The following RBFOX3 variants were observed in gnomAD, a reference collection of about 807,000 sequenced individuals.
The protein encoded by RBFOX3 is RNA binding fox-1 homolog 3.
RBFOX3 carries 17 observed loss-of-function variants against 48.7 expected under a neutral mutation model. The ratio of observed to expected loss-of-function variants is 0.35; its 90% CI spans 0.24 to 0.52. The LOEUF (loss-of-function observed/expected upper bound fraction) is 0.52, where lower values mean the gene tolerates loss of function less well. Ranked by LOEUF, RBFOX3 falls within the 20% of genes least tolerant of loss-of-function variation. The pLI is 0.94. For synonymous variants in RBFOX3, 212 were observed against 209.5 expected, an observed-to-expected ratio of 1.01 and a Z score of -0.10; for missense variants, 382 against 497.5, an observed-to-expected ratio of 0.77 and a Z score of 2.21.
At chr17:79,550,510 G>A (rs879035980) in intron 1 of RBFOX3, among the ~76,000 whole-genome samples, 122,466 of 152,076 alleles carry the variant, frequency 0.81, 52,110 homozygotes, top group Non-Finnish European at 0.94. Flanking sequence ...ACCATTCTAT[G>A]GTTTATTTAA....
Position 79,533,603 on chromosome 17 carries a change from G to A in RBFOX3, c.-319-51005C>T, listed in dbSNP as rs573830523. On this transcript the variant is annotated intron_variant, in intron 1 of 14. Transcript: ENST00000693108. Reference sequence around the variant, plus strand: ...CCAGCCCAGGGTGCCCCGAGCATGAGGCATAGATACCCCGCGATGGGGAAG... The same window carrying A: ...CCAGCCCAGGGTGCCCCGAGCATGAAGCATAGATACCCCGCGATGGGGAAG... Among the ~76,000 whole-genome samples the A allele has an allele frequency of 1.5e-4, 23 of 152,334 alleles. No individual in the cohort carries two copies. The East Asian group carries it at 4.2e-3, about 28-fold the overall frequency.
At position 79,103,464 on chromosome 17, in the gene RBFOX3, C is replaced by G. The variant is rs1490772023; in HGVS notation, c.415-210G>C. Among the ~76,000 whole-genome samples the G allele has an allele frequency of 6.6e-6, 1 of 152,076 alleles. No individual in the cohort carries two copies. The highest frequency in any genetic ancestry group is 1.5e-5 in the Non-Finnish European group (1 of 67,974). On this transcript the variant is annotated intron_variant, in intron 7 of 14. Coordinates refer to ENST00000693108, the MANE Select transcript of RBFOX3 (RefSeq NM_001350451.2). The surrounding 1 kb of genome is among the most constrained non-coding windows in gnomAD (Gnocchi z 6.1). ...GCAGGATGCCAGGAGGGGTATGGGC[C>G]CCAGGGGGGCAGCTGCTGACCCAGC... is the stretch of plus-strand genomic sequence containing the variant.
At chr17:79,395,085 G>C (rs909358752) in intron 2 of RBFOX3, among the ~76,000 whole-genome samples, 9 of 152,242 alleles carry the variant, frequency 5.9e-5, no homozygotes, top group African/African-American at 2.2e-4. Context: ...ATCCAGGCCC[G>C]CAAAGCAGTG....
At chr17:79,272,962 C>A (rs1003564517) in intron 3 of RBFOX3, among the ~76,000 whole-genome samples, 1 of 152,132 alleles carries the variant, frequency 6.6e-6, no homozygotes, top group Non-Finnish European at 1.5e-5. Flanking sequence ...TGGGCCATGG[C>A]AGGGAAGCCA....
intron 3 of RBFOX3, among the ~76,000 whole-genome samples, chr17:79,267,491 A>G (rs1292922234): frequency 6.6e-6 from 1 of 152,100 alleles, no homozygotes; most frequent in African/African-American, 2.4e-5. Context: ...CCTGGGTTCA[A>G]GTGATTCTCC....
chr17:79,285,602 C>T (rs530227641), intron 3 of RBFOX3, among the ~76,000 whole-genome samples: 1 of 152,276 alleles, frequency 6.6e-6, no homozygotes, highest in African/African-American at 2.4e-5. Context: ...CCTGTGGTTT[C>T]CCGAAGATCC....
chr17:79,634,252 C>T, the RBFOX3 span, among the ~76,000 whole-genome samples: 1 of 152,226 alleles, frequency 6.6e-6, no homozygotes, highest in Non-Finnish European at 1.5e-5. Context: ...GGCCATGGGT[C>T]AGCCCTGCCC....
chr17:79,645,974 C>G, the RBFOX3 span, among the ~76,000 whole-genome samples: 52 of 152,276 alleles, frequency 3.4e-4, no homozygotes, highest in African/African-American at 1.2e-3. Flanking sequence ...AAACTGTTTC[C>G]TCTCTTTACA....
intron 3 of RBFOX3, among the ~76,000 whole-genome samples, chr17:79,300,686 GT>G (rs1313087867): frequency 6.6e-6 from 1 of 152,100 alleles, no homozygotes; most frequent in East Asian, 1.9e-4. Context: ...GACTATTATT[GT>G]TGTTTTGCCT....
In RBFOX3 at chr17:79,211,601, G is replaced by A. The variant is rs1015271721; in HGVS notation, c.-34+24165C>T. 1.1e-4 allele frequency among the ~76,000 whole-genome samples: 16 copies of A among 152,222 alleles called. No homozygotes were observed. In the East Asian group the frequency reaches 1.4e-3, roughly 13 times the overall value. On this transcript the variant is annotated intron_variant, in intron 4 of 14. Coordinates refer to ENST00000693108, the MANE Select transcript of RBFOX3 (RefSeq NM_001350451.2). Reference sequence around the variant, plus strand: ...GAGAGCCCTGCTACTCATCCCCTGCGGATGCCTCCTTCCCACGCTCAGACT... The same window carrying A: ...GAGAGCCCTGCTACTCATCCCCTGCAGATGCCTCCTTCCCACGCTCAGACT...
At position 79,177,837 on chromosome 17, in the gene RBFOX3, A is replaced by T. The variant is rs117618831; in HGVS notation, c.-34+57929T>A. Among the ~76,000 whole-genome samples, 124 of 152,206 alleles carry T rather than the reference A, an allele frequency of 8.1e-4. 3 individuals carry two copies. In the East Asian group the frequency reaches 0.022, roughly 28 times the overall value. On this transcript the variant is annotated intron_variant, in intron 4 of 14. Transcript: ENST00000693108. ...GACCTGAAAAATCCTACCACCCTCA[A>T]TCAAGCGCAGAGTTAGCTGCTCCCC...
intron 3 of RBFOX3, among the ~76,000 whole-genome samples, chr17:79,258,780 G>A (rs2065269307): frequency 6.6e-6 from 1 of 152,152 alleles, no homozygotes; most frequent in South Asian, 2.1e-4. Context: ...ATCTCCTAGT[G>A]GGAATCCCAC....
intron 3 of RBFOX3, among the ~76,000 whole-genome samples, chr17:79,239,730 C>T (rs186902794): frequency 1.2e-3 from 187 of 152,334 alleles, no homozygotes; most frequent in Non-Finnish European, 2.2e-3. Flanking sequence ...GTCCTGGTGT[C>T]CCCAGACACT....
At chr17:79,230,397 C>T (rs770884613) in intron 4 of RBFOX3, among the ~76,000 whole-genome samples, 9 of 152,054 alleles carry the variant, frequency 5.9e-5, no homozygotes, top group East Asian at 1.9e-4. Context: ...GTAGCTGGGA[C>T]TACAGTCACC....
chr17:79,313,027 C>T (rs910368227), intron 2 of RBFOX3, among the ~76,000 whole-genome samples: 2 of 152,204 alleles, frequency 1.3e-5, no homozygotes, highest in Middle Eastern at 3.2e-3. Context: ...AGGCATACAG[C>T]CTGCATGCTG....
At position 79,357,385 on chromosome 17, in the gene RBFOX3, T is replaced by C. The variant is rs2085362510; in HGVS notation, c.-174-49561A>G. ...GTTCACGCCTGTAATCCCAGTACTT[T>C]GGGAGGCCAAGGCAGGTGAATCACC... On this transcript the variant is annotated intron_variant, in intron 2 of 14. Coordinates refer to ENST00000693108, the MANE Select transcript of RBFOX3 (RefSeq NM_001350451.2). 2.6e-5 allele frequency among the ~76,000 whole-genome samples: 4 copies of C among 152,218 alleles called. No homozygotes were observed. In the South Asian group the frequency reaches 6.2e-4, roughly 24 times the overall value.
the RBFOX3 span, among the ~76,000 whole-genome samples, chr17:79,647,227 A>C: frequency 6.6e-6 from 1 of 152,166 alleles, no homozygotes; most frequent in Admixed American, 6.5e-5. Context: ...CGCTGTCAGC[A>C]TCACTCCACC....
At chr17:79,268,334 A>G (rs1336342652) in intron 3 of RBFOX3, among the ~76,000 whole-genome samples, 1 of 152,002 alleles carries the variant, frequency 6.6e-6, no homozygotes, top group Non-Finnish European at 1.5e-5. Flanking sequence ...GCCCCTACTC[A>G]AAAGTTCTCC....
intron 4 of RBFOX3, among the ~76,000 whole-genome samples, chr17:79,178,888 G>A (rs955233645): frequency 1.1e-4 from 17 of 152,214 alleles, no homozygotes; most frequent in African/African-American, 3.9e-4. Context: ...TTCGGATGTG[G>A]CTGCAGCCAG....
Sources: allele counts gnomAD v4.1 joint callset (sites outside exome capture counted in the v4.1 genomes callset), GRCh38; gene constraint gnomAD v4.1.1; non-coding constraint Gnocchi (gnomAD v3.1); transcripts MANE v1.5; gene names NCBI Gene and HGNC (gene_info 2026-07-23, HGNC 2026-07-21).